Variants in PAM observed in about 807,000 individuals in gnomAD.
The protein encoded by PAM is peptidylglycine alpha-amidating monooxygenase.
In PAM, 72 loss-of-function variants were observed where a neutral mutation model predicts 122.1. The observed-to-expected ratio is 0.59, with a 90% CI of 0.49 to 0.72. The LOEUF (loss-of-function observed/expected upper bound fraction) is 0.72, where lower values mean the gene tolerates loss of function less well. PAM is among the 30% of genes least tolerant of loss of function. PAM has a pLI of 0.00. For synonymous variants in PAM, 389 were observed against 404.4 expected (o/e 0.96, Z 0.46); for missense variants, 1,106 against 1,183.7 (o/e 0.93, Z 0.96).
At chr5:102,793,603 C>A (rs1762608825) in intron 1 of PAM, among the ~76,000 whole-genome samples, 1 of 152,136 alleles carries the variant, frequency 6.6e-6, no homozygotes, top group Non-Finnish European at 1.5e-5. Context: ...ATGTATTTAA[C>A]TAAAACAGCT....
At chr5:102,868,680 A>AT (rs1213820729) in intron 3 of PAM, among the ~76,000 whole-genome samples, 15 of 150,686 alleles carry the variant, frequency 1.0e-4, no homozygotes, top group South Asian at 2.1e-4. Context: ...AACTGAATGT[A>AT]TTTTTTTTAA....
chr5:103,017,462 AT>A, intron 22 of PAM, 29 bp downstream of exon 22: 1 of 1,344,460 alleles, frequency 7.4e-7, no homozygotes, highest in Non-Finnish European at 1.1e-6. Flanking sequence ...TATTGTTCAC[AT>A]TTTCCCTCAG....
Position 102,839,536 on chromosome 5 carries a change from CAAA to C in PAM, c.-373-26268_-373-26266del, listed in dbSNP as rs34092506. Reference sequence around the variant, plus strand: ...TGGGCGACAGAGCAAGGCTCAGTCTCAAAAAAAAAAAAAAAAAAAAATTGTGCC... The same window carrying C: ...TGGGCGACAGAGCAAGGCTCAGTCTCAAAAAAAAAAAAAAAAAATTGTGCC... On this transcript the variant is annotated intron_variant, in intron 1 of 25. Coordinates refer to ENST00000438793, the MANE Select transcript of PAM (RefSeq NM_001177306.2). 9.0e-3 allele frequency among the ~76,000 whole-genome samples: 729 copies of C among 81,156 alleles called. 7 individuals carry two copies. The highest frequency in any genetic ancestry group is 0.025 in the African/African-American group (640 of 25,666). 53.2% of individuals were successfully genotyped at this position (81,156 alleles called of 152,430 possible).
intron 4 of PAM, among the ~76,000 whole-genome samples, chr5:102,909,326 C>G (rs1800677979): frequency 1.3e-5 from 2 of 151,798 alleles, no homozygotes; most frequent in African/African-American, 4.8e-5. Context: ...TTCCAGTGGT[C>G]TCCTTGAATA....
At chr5:102,785,156 T>C (rs1415495282) in intron 1 of PAM, among the ~76,000 whole-genome samples, 1 of 152,204 alleles carries the variant, frequency 6.6e-6, no homozygotes, top group African/African-American at 2.4e-5. Context: ...ACAGCACTGA[T>C]TGGGACACTA....
chr5:102,978,874 A>C (rs1768671015), intron 15 of PAM, among the ~76,000 whole-genome samples: 1 of 152,014 alleles, frequency 6.6e-6, no homozygotes. Flanking sequence ...ACTTTGAGCC[A>C]AGCTTAGTGT....
intron 15 of PAM, among the ~76,000 whole-genome samples, chr5:102,977,924 C>A (rs1025440455): frequency 2.0e-5 from 3 of 152,080 alleles, no homozygotes; most frequent in Non-Finnish European, 4.4e-5. Context: ...ATAGTATACT[C>A]CTCGCAGAGT....
intron 5 of PAM, among the ~76,000 whole-genome samples, chr5:102,915,185 T>A (rs1802725610): frequency 6.6e-6 from 1 of 152,118 alleles, no homozygotes; most frequent in Non-Finnish European, 1.5e-5. Context: ...CACTGAGGAA[T>A]CTGTTTTGAG....
chr5:102,945,653 C>A (rs1260027154), intron 7 of PAM, among the ~76,000 whole-genome samples: 2 of 151,458 alleles, frequency 1.3e-5, no homozygotes, highest in African/African-American at 4.8e-5. Flanking sequence ...TATTCTTCTC[C>A]CCCCCTCTCT....
At chr5:102,813,154 C>G (rs981872641) in intron 1 of PAM, among the ~76,000 whole-genome samples, 4 of 151,588 alleles carry the variant, frequency 2.6e-5, no homozygotes, top group African/African-American at 7.3e-5. Context: ...TTTGAACTGA[C>G]TCAGTTGCTT....
At chr5:102,831,426 C>CT (rs976559268) in intron 1 of PAM, among the ~76,000 whole-genome samples, 14 of 106,456 alleles carry the variant, frequency 1.3e-4, no homozygotes, top group East Asian at 5.9e-4. Context: ...TTATCGAGCT[C>CT]TTTTTTTTTC....
chr5:102,877,900 T>C (rs530947342), intron 3 of PAM, among the ~76,000 whole-genome samples: 3 of 151,736 alleles, frequency 2.0e-5, no homozygotes, highest in Admixed American at 6.6e-5. Context: ...CGTGGTGGTG[T>C]GTGTCTGTAG....
At chr5:102,983,446 C>CAAAAAAAAAAAAAAA (rs70990421) in intron 15 of PAM, among the ~76,000 whole-genome samples, 5 of 103,570 alleles carry the variant, frequency 4.8e-5, no homozygotes, top group African/African-American at 1.8e-4. Context: ...TGAGACTGTC[C>CAAAAAAAAAAAAAAA]AAAAAAAAAA....
intron 12 of PAM, among the ~76,000 whole-genome samples, chr5:102,956,161 A>G (rs1760665014): frequency 6.6e-6 from 1 of 152,098 alleles, no homozygotes; most frequent in Non-Finnish European, 1.5e-5. Context: ...TGGTACCCCA[A>G]ATGAACTGTA....
At chr5:102,944,358 G>A (rs1756291668) in intron 7 of PAM, among the ~76,000 whole-genome samples, 1 of 152,030 alleles carries the variant, frequency 6.6e-6, no homozygotes, top group Non-Finnish European at 1.5e-5. Context: ...TAAAGGCCAG[G>A]TATTTGCCTG....
intron 3 of PAM, among the ~76,000 whole-genome samples, chr5:102,899,648 T>C (rs1797130514): frequency 6.6e-6 from 1 of 151,704 alleles, no homozygotes; most frequent in African/African-American, 2.4e-5. Flanking sequence ...ACAGAGTGCA[T>C]ATATTCAGAT....
At chr5:102,926,065 C>A (rs1749363289) in intron 6 of PAM, among the ~76,000 whole-genome samples, 2 of 151,646 alleles carry the variant, frequency 1.3e-5, no homozygotes, top group Non-Finnish European at 1.5e-5. Flanking sequence ...ATATACAAAA[C>A]AAAATGGGAG....
At chr5:102,960,931 G>A (rs1762305520) in intron 13 of PAM, among the ~76,000 whole-genome samples, 1 of 133,052 alleles carries the variant, frequency 7.5e-6, no homozygotes, top group Non-Finnish European at 1.5e-5. Flanking sequence ...TGAAAGGGTA[G>A]TTGACCTAGT....
intron 1 of PAM, among the ~76,000 whole-genome samples, chr5:102,846,724 C>T (rs748808286): frequency 6.6e-6 from 1 of 152,146 alleles, no homozygotes; most frequent in Non-Finnish European, 1.5e-5. Flanking sequence ...TGTCTTATGG[C>T]ACTGCTTGAT....
Sources: gnomAD v4.1 joint callset for allele counts (sites outside exome capture counted in the v4.1 genomes callset) on GRCh38, gnomAD v4.1.1 for gene constraint, MANE v1.5 for transcripts, NCBI Gene and HGNC (gene_info 2026-07-23, HGNC 2026-07-21) for gene names.